Variants in CEP290 observed in about 807,000 individuals in gnomAD.
CEP290 encodes centrosomal protein of 290 kDa.
Under a neutral mutation model 344.9 loss-of-function variants are expected in CEP290, and 317 were observed. The observed-to-expected ratio is 0.92, with a 90% CI of 0.84 to 1.01. CEP290 has a LOEUF of 1.01. CEP290 is among the 50% of genes least tolerant of loss of function. The pLI is 0.00. For missense variants in CEP290, 2,754 were observed against 2,761.4 expected, an observed-to-expected ratio of 1.00 and a Z score of 0.06; for synonymous variants, 932 against 895.8, an observed-to-expected ratio of 1.04 and a Z score of -0.72.
rs745998591 is a variant in CEP290, at chr12:88,068,587, A to G, written c.6070T>C (p.Tyr2024His). The G allele has an allele frequency of 2.5e-6, 4 of 1,590,000 alleles. No individual in the cohort carries two copies. Among genetic ancestry groups the G allele is most frequent in the Admixed American group, 3.6e-5 (2 of 55,640 alleles). ...VVEDLHLQNR[Y>H]LQEKLHALEK... The stretch of plus-strand genomic sequence containing the variant: ...AAAGCATGAAGTTTTTCTTGGAGGT[A>G]TCTATTTTGTAAATGTAAATCTTCT... The change falls in exon 44 of 54, where the codon TAC becomes CAC. Residue 2024 changes from tyrosine to histidine, a missense_variant. Physicochemically the swap from Tyr to His is moderately conservative, Grantham distance 83. Coordinates refer to ENST00000552810, the MANE Select transcript of CEP290 (RefSeq NM_025114.4).
At chr12:88,116,922 C>T (rs1353682612) in intron 18 of CEP290, 111 bp downstream of exon 18, 7 of 533,634 alleles carry the variant, frequency 1.3e-5, no homozygotes, top group South Asian at 4.3e-5. Context: ...TGCAGTGAGC[C>T]GAGATCGCGC....
chr12:88,057,570 A>G (rs2034113212), intron 49 of CEP290, among the ~76,000 whole-genome samples: 1 of 152,138 alleles, frequency 6.6e-6, no homozygotes, highest in Admixed American at 6.5e-5. Flanking sequence ...TCACCTTGAC[A>G]CTGGCTTTCT....
intron 29 of CEP290, among the ~76,000 whole-genome samples, chr12:88,091,733 A>T (rs1292635869): frequency 6.6e-6 from 1 of 152,082 alleles, no homozygotes; most frequent in Non-Finnish European, 1.5e-5. Context: ...TCCCAAGAGA[A>T]CTATCAAGGC....
intron 29 of CEP290, among the ~76,000 whole-genome samples, chr12:88,091,098 T>C (rs2037001725): frequency 6.6e-6 from 1 of 152,194 alleles, no homozygotes; most frequent in African/African-American, 2.4e-5. Flanking sequence ...ATATATTCAG[T>C]GCTCCCAGAG....
At chr12:88,087,053 G>A (rs1220034537) in intron 32 of CEP290, among the ~76,000 whole-genome samples, 1 of 152,148 alleles carries the variant, frequency 6.6e-6, no homozygotes, top group Non-Finnish European at 1.5e-5. Context: ...CACTGACAGT[G>A]TAAATACCAA....
At chr12:88,084,913 CTGAATTTTAGA>C in intron 34 of CEP290, 61 bp from the exon 35 acceptor site, 3 of 1,321,400 alleles carry the variant, frequency 2.3e-6, no homozygotes, top group Non-Finnish European at 3.0e-6. Context: ...AATGCTTCAT[CTGAATTTTAGA>C]TTAGTTATTA....
At chr12:88,113,274 T>C (rs1487840426) in intron 20 of CEP290, among the ~76,000 whole-genome samples, 1 of 152,036 alleles carries the variant, frequency 6.6e-6, no homozygotes, top group African/African-American at 2.4e-5. Flanking sequence ...TGGGACACAG[T>C]ATCAGTAGTG....
intron 34 of CEP290, 24 bp downstream of exon 34, chr12:88,086,015 C>T (rs1227339099): frequency 1.3e-5 from 20 of 1,589,576 alleles, no homozygotes; most frequent in Non-Finnish European, 1.6e-5. Context: ...ATACACTAAT[C>T]AAAATGCAAA....
rs556662934 is a variant in CEP290 at position 88,088,915 on chromosome 12, G to A, written c.4029+117C>T. On this transcript the variant is annotated intron_variant, in intron 31 of 53. Transcript: ENST00000552810. The stretch of plus-strand genomic sequence containing the variant: ...CAGCTACAACTACTCAGGAGGCTGA[G>A]GCTAGAGAGTCCCTTGAGCCCAGGA... 1.6e-5 allele frequency: 10 copies of A among 620,528 alleles called. No homozygotes were observed. In the African/African-American group the frequency reaches 1.9e-4, roughly 12 times the overall value. The allele number at this position is 620,528 out of a possible 1,614,324, so 38.4% of individuals were successfully genotyped here.
chr12:88,102,702 T>C, intron 26 of CEP290, 136 bp downstream of exon 26: 3 of 628,788 alleles, frequency 4.8e-6, no homozygotes, highest in Non-Finnish European at 8.0e-6. Context: ...GAATGAATAA[T>C]ATGGATAATT....
Position 88,092,692 on chromosome 12 carries a change from A to T in CEP290, c.3450T>A (p.Val1150=). 1 of 1,608,748 alleles carries T rather than the reference A, an allele frequency of 6.2e-7. No individual in the cohort carries two copies. The highest frequency in any genetic ancestry group is 1.1e-5 in the South Asian group (1 of 89,670). The change falls in exon 29 of 54, where the codon GTT becomes GTA. Residue 1150 remains valine, a synonymous_variant. Transcript: ENST00000552810. The stretch of plus-strand genomic sequence containing the variant: ...TTATATGCACTTACTTTGACACTTC[A>T]ACTTTTAGTTCCATTTCATTCTTCT... ...ELEKNEMELK[V]EVSKLREISD...
chr12:88,094,046 G>C, intron 27 of CEP290, 71 bp from the exon 28 acceptor site: 1 of 1,153,328 alleles, frequency 8.7e-7, no homozygotes, highest in Non-Finnish European at 1.2e-6. Flanking sequence ...TTTAGATGCT[G>C]TATATTAGAA....
At chr12:88,105,240 TAA>T (rs545650702) in intron 25 of CEP290, among the ~76,000 whole-genome samples, 7 of 152,318 alleles carry the variant, frequency 4.6e-5, no homozygotes, top group Admixed American at 2.0e-4. Flanking sequence ...CAAGACAATA[TAA>T]GAGTCAACTT....
rs1264332374 is a variant in CEP290, at chr12:88,140,985, G to A, written c.151C>T (p.Leu51Phe). Residue 51 changes from leucine to phenylalanine, a missense_variant, in exon 3 of 54, where the codon CTT (leucine) becomes TTT (phenylalanine). By Grantham distance (22) the Leu-to-Phe change is conservative. Transcript: ENST00000552810. ...ATTAGTGACTGAGTAATTCTGAAAA[G>A]GTGTATCACATTTTCTTGCTTTTCA... ...KSEKQENVIH[L>F]FRITQSLMKM... The A allele has an allele frequency of 1.3e-6, 2 of 1,590,808 alleles. No individual in the cohort carries two copies. Among genetic ancestry groups the A allele is most frequent in the Admixed American group, 1.8e-5 (1 of 55,702 alleles).
intron 27 of CEP290, among the ~76,000 whole-genome samples, chr12:88,095,085 T>G (rs1025309102): frequency 2.6e-5 from 4 of 152,156 alleles, no homozygotes; most frequent in African/African-American, 9.6e-5. Flanking sequence ...ATCAGTTCAT[T>G]ATGGAATAAA....
At chr12:88,050,910 AAAGAT>A (rs1182304989) in intron 52 of CEP290, among the ~76,000 whole-genome samples, 1 of 152,168 alleles carries the variant, frequency 6.6e-6, no homozygotes, top group East Asian at 1.9e-4. Flanking sequence ...TGTGTAATAC[AAAGAT>A]AAGTAAGACA....
intron 25 of CEP290, among the ~76,000 whole-genome samples, chr12:88,105,138 G>T (rs935200231): frequency 4.6e-5 from 7 of 152,160 alleles, no homozygotes; most frequent in African/African-American, 1.7e-4. Context: ...TTCCAAGTAT[G>T]GGCATGAAGT....
At chr12:88,086,969 AT>A (rs1431751596) in intron 32 of CEP290, among the ~76,000 whole-genome samples, 1 of 152,156 alleles carries the variant, frequency 6.6e-6, no homozygotes, top group Non-Finnish European at 1.5e-5. Flanking sequence ...GGATAGTAGG[AT>A]TTACTGTTGT....
intron 15 of CEP290, 100 bp from the exon 16 acceptor site, chr12:88,118,843 G>T: frequency 2.9e-6 from 2 of 700,142 alleles, no homozygotes; most frequent in Non-Finnish European, 4.5e-6. Context: ...CACTTAGCCA[G>T]TATCACTGAA....
Sources: gnomAD v4.1 joint callset for allele counts (sites outside exome capture counted in the v4.1 genomes callset) on GRCh38, gnomAD v4.1.1 for gene constraint, MANE v1.5 for transcripts, NCBI Gene and HGNC (gene_info 2026-07-23, HGNC 2026-07-21) for gene names.